The following ANKH variants were observed in gnomAD, a reference collection of about 807,000 sequenced individuals.
ANKH encodes ANKH inorganic pyrophosphate transport regulator, also known as mineralization regulator ANKH.
A neutral mutation model predicts 49.0 loss-of-function variants in ANKH; 15 were observed. That is an observed-to-expected ratio of 0.31 (90% confidence interval 0.20 to 0.47). The LOEUF is 0.47. ANKH is among the 20% of genes least tolerant of loss of function. The pLI is 1.00. For missense variants in ANKH, 429 were observed against 652.0 expected (o/e 0.66, Z 3.72); for synonymous variants, 273 against 260.0 (o/e 1.05, Z -0.48).
chr5:14,756,509 A>C (rs191906347), intron 3 of ANKH, among the ~76,000 whole-genome samples: 1 of 152,336 alleles, frequency 6.6e-6, no homozygotes, highest in African/African-American at 2.4e-5. Context: ...AGAAGGTTTC[A>C]AGTTCATGAC....
chr5:14,756,523 C>T lies in ANKH; in HGVS notation c.433-579G>A, dbSNP rs879941301. Reference sequence around the variant, plus strand: ...GAGAAGGTTTCAAGTTCATGACGGGCTCTGTTTAAGGATCATCCTTCTTAC... The same window carrying T: ...GAGAAGGTTTCAAGTTCATGACGGGTTCTGTTTAAGGATCATCCTTCTTAC... On this transcript the variant is annotated intron_variant, in intron 3 of 11. Coordinates refer to ENST00000284268, the MANE Select transcript of ANKH (RefSeq NM_054027.6). Among the ~76,000 whole-genome samples the T allele has an allele frequency of 4.6e-5, 7 of 152,302 alleles. No individual in the cohort carries two copies. The East Asian group carries it at 1.4e-3, about 29-fold the overall frequency.
At chr5:14,861,559 G>A (rs1395585913) in intron 1 of ANKH, among the ~76,000 whole-genome samples, 1 of 152,186 alleles carries the variant, frequency 6.6e-6, no homozygotes, top group Non-Finnish European at 1.5e-5. Context: ...CCTAGTGGGT[G>A]TGGTGTGTGG....
chr5:14,738,867 T>C (rs563038528), intron 8 of ANKH, among the ~76,000 whole-genome samples: 2 of 152,182 alleles, frequency 1.3e-5, no homozygotes, highest in South Asian at 2.1e-4. Flanking sequence ...TTCACAAGGG[T>C]GAATGCTGTC....
intron 1 of ANKH, among the ~76,000 whole-genome samples, chr5:14,782,749 A>G (rs1033781424): frequency 1.3e-5 from 2 of 152,216 alleles, no homozygotes; most frequent in Admixed American, 6.5e-5. Context: ...AATAAAAGAA[A>G]TCAGGTCAAT....
At position 14,871,512 on chromosome 5, in the gene ANKH, G is replaced by A. The variant is rs1735825229; in HGVS notation, c.-65C>T. On this transcript the variant is annotated 5_prime_UTR_variant, in exon 1 of 12. Coordinates refer to ENST00000284268, the MANE Select transcript of ANKH (RefSeq NM_054027.6). ...GCGAGGGGACTCTGCGGGGAGGCGAGGGGCGACGGGGCGACGGGGCGAGCG... is the reference window on the plus strand; with the variant it reads ...GCGAGGGGACTCTGCGGGGAGGCGAAGGGCGACGGGGCGACGGGGCGAGCG... 1 of 365,524 alleles carries A rather than the reference G, an allele frequency of 2.7e-6. No individual in the cohort carries two copies. The highest frequency in any genetic ancestry group is 3.9e-6 in the Non-Finnish European group (1 of 254,848). The allele number at this position is 365,524 out of a possible 1,614,324, so 22.6% of individuals were successfully genotyped here.
intron 1 of ANKH, among the ~76,000 whole-genome samples, chr5:14,793,079 AAATATATATATAAATATT>A (rs1364310753): frequency 4.2e-5 from 5 of 118,788 alleles, no homozygotes; most frequent in African/African-American, 1.1e-4. Flanking sequence ...AAATATATAA[AAATATATATATAAATATT>A]TATTTATTTA....
At chr5:14,806,921 A>T (rs942639744) in intron 1 of ANKH, among the ~76,000 whole-genome samples, 1 of 152,210 alleles carries the variant, frequency 6.6e-6, no homozygotes, top group Non-Finnish European at 1.5e-5. Flanking sequence ...CACATTCTGA[A>T]CAATAGTAGT....
At chr5:14,758,696 T>G in intron 2 of ANKH, 98 bp from the exon 3 acceptor site, 1 of 961,334 alleles carries the variant, frequency 1.0e-6, no homozygotes. Flanking sequence ...AAATGTAGTA[T>G]TTGTTCGTCA....
chr5:14,795,788 G>T (rs62355970), intron 1 of ANKH, among the ~76,000 whole-genome samples: 12,282 of 151,886 alleles, frequency 0.081, 660 homozygotes, highest in Admixed American at 0.11. Context: ...AACCTGGGAG[G>T]TGGAAGTTAC....
At chr5:14,816,508 C>T (rs950929778) in intron 1 of ANKH, among the ~76,000 whole-genome samples, 4 of 151,990 alleles carry the variant, frequency 2.6e-5, no homozygotes, top group African/African-American at 7.3e-5. Context: ...ATGATTCATT[C>T]GAACTTGTCA....
At chr5:14,857,952 A>T (rs1411003989) in intron 1 of ANKH, among the ~76,000 whole-genome samples, 1 of 152,210 alleles carries the variant, frequency 6.6e-6, no homozygotes, top group Non-Finnish European at 1.5e-5. Context: ...GTGACCGGTA[A>T]TATTAATCCA....
chr5:14,843,186 T>C (rs2126611599), intron 1 of ANKH, among the ~76,000 whole-genome samples: 1 of 151,474 alleles, frequency 6.6e-6, no homozygotes, highest in African/African-American at 2.4e-5. Context: ...TTTTTTTTTT[T>C]TTTTTTTTGA....
chr5:14,720,847 T>A (rs906477759), intron 8 of ANKH, among the ~76,000 whole-genome samples: 1 of 152,230 alleles, frequency 6.6e-6, no homozygotes, highest in Admixed American at 6.5e-5. Context: ...AAAATCATTG[T>A]AAAGTGGCTC....
intron 6 of ANKH, among the ~76,000 whole-genome samples, chr5:14,746,870 TAATC>T (rs1235865926): frequency 3.9e-5 from 6 of 152,206 alleles, no homozygotes; most frequent in Non-Finnish European, 8.8e-5. Flanking sequence ...TATTACACCT[TAATC>T]AAGTGTAGGC....
intron 1 of ANKH, among the ~76,000 whole-genome samples, chr5:14,842,918 G>A (rs1320083723): frequency 2.6e-5 from 4 of 152,202 alleles, no homozygotes; most frequent in African/African-American, 7.2e-5. Flanking sequence ...AATTCCTAGA[G>A]AGAAGATCTG....
rs1737310601 is a variant in ANKH, at chr5:14,713,294, C to T, written c.1265+250G>A. On this transcript the variant is annotated intron_variant, in intron 10 of 11. Coordinates refer to ENST00000284268, the MANE Select transcript of ANKH (RefSeq NM_054027.6). This position sits in a 1 kb window ranked among gnomAD's most constrained non-coding sequence, Gnocchi z 4.4. ...TGTCCAGCATACGTTCAAGCCCGTG[C>T]AGGGCCGGCCATGCCCTGACAGGAG... Among the ~76,000 whole-genome samples the T allele has an allele frequency of 6.6e-6, 1 of 152,164 alleles. No individual in the cohort carries two copies. Among genetic ancestry groups the T allele is most frequent in the Non-Finnish European group, 1.5e-5 (1 of 68,038 alleles).
intron 6 of ANKH, 62 bp from the exon 7 acceptor site, chr5:14,746,024 A>G (rs1363084300): frequency 3.6e-6 from 5 of 1,396,358 alleles, no homozygotes; most frequent in Non-Finnish European, 5.1e-6. Context: ...CAGGAGCTAC[A>G]GTAGGTGACG....
At chr5:14,750,427 C>T (rs1454400639) in intron 5 of ANKH, among the ~76,000 whole-genome samples, 1 of 152,226 alleles carries the variant, frequency 6.6e-6, no homozygotes, top group African/African-American at 2.4e-5. Flanking sequence ...TACACTACAT[C>T]ACTATGTTCC....
intron 2 of ANKH, among the ~76,000 whole-genome samples, chr5:14,765,617 A>AG (rs748272137): frequency 3.3e-5 from 5 of 152,140 alleles, no homozygotes; most frequent in Non-Finnish European, 5.9e-5. Context: ...GAAAAAAAAA[A>AG]GAAAAGAAAT....
Sources: allele counts gnomAD v4.1 joint callset (sites outside exome capture counted in the v4.1 genomes callset), GRCh38; gene constraint gnomAD v4.1.1; non-coding constraint Gnocchi (gnomAD v3.1); transcripts MANE v1.5; gene names NCBI Gene and HGNC (gene_info 2026-07-23, HGNC 2026-07-21).